The following HS6ST3 variants were observed in gnomAD, a reference collection of about 807,000 sequenced individuals.
The protein encoded by HS6ST3 is heparan-sulfate 6-O-sulfotransferase 3.
Under a neutral mutation model 36.7 loss-of-function variants are expected in HS6ST3, and 12 were observed. The ratio of observed to expected loss-of-function variants is 0.33; its 90% confidence interval spans 0.21 to 0.53. The LOEUF is 0.53. Among genes scored for constraint, HS6ST3 ranks in the 20% least tolerant of loss-of-function variants. HS6ST3 has a pLI of 0.95. For synonymous variants in HS6ST3, 240 were observed against 257.5 expected, an observed-to-expected ratio of 0.93 and a Z score of 0.65; for missense variants, 584 against 640.9, an observed-to-expected ratio of 0.91 and a Z score of 0.96.
intron 1 of HS6ST3, among the ~76,000 whole-genome samples, chr13:96,330,784 A>G (rs1247858789): frequency 6.6e-6 from 1 of 150,990 alleles, no homozygotes; most frequent in Non-Finnish European, 1.5e-5. Context: ...GTGTTTTCCA[A>G]CTTGGTTCCA....
intron 1 of HS6ST3, among the ~76,000 whole-genome samples, chr13:96,544,559 C>G (rs1860151345): frequency 6.6e-6 from 1 of 152,126 alleles, no homozygotes; most frequent in African/African-American, 2.4e-5. Context: ...GGGGCTTGAA[C>G]AGATCTGTAA....
chr13:96,640,386 G>T (rs2056566360), intron 1 of HS6ST3, among the ~76,000 whole-genome samples: 1 of 151,818 alleles, frequency 6.6e-6, no homozygotes, highest in Admixed American at 6.6e-5. Context: ...GTTTGCTCAT[G>T]TCTTTTGTCC....
At chr13:96,252,831 C>T (rs564405517) in intron 1 of HS6ST3, among the ~76,000 whole-genome samples, 1 of 152,062 alleles carries the variant, frequency 6.6e-6, no homozygotes, top group Non-Finnish European at 1.5e-5. Context: ...CCCCAACTCT[C>T]CCTTGCTCCT....
intron 1 of HS6ST3, among the ~76,000 whole-genome samples, chr13:96,150,864 CTATA>C (rs1470296384): frequency 6.6e-6 from 1 of 152,094 alleles, no homozygotes; most frequent in Non-Finnish European, 1.5e-5. Flanking sequence ...ATGTACTAAA[CTATA>C]TAACTGTATA....
At chr13:96,582,136 G>A (rs1397728125) in intron 1 of HS6ST3, among the ~76,000 whole-genome samples, 1 of 152,136 alleles carries the variant, frequency 6.6e-6, no homozygotes, top group Non-Finnish European at 1.5e-5. Context: ...TTTAAACATT[G>A]ACTCCTTTTT....
Position 96,833,943 on chromosome 13 carries a change from G to A in HS6ST3, c.*745G>A, listed in dbSNP as rs1878866182. 1 of 152,140 alleles carries A rather than the reference G, an allele frequency of 6.6e-6. No individual in the cohort carries two copies. The highest frequency in any genetic ancestry group is 1.9e-4 in the East Asian group (1 of 5,194). The allele number at this position is 152,140 out of a possible 1,614,324, so 9.4% of individuals were successfully genotyped here. On this transcript the variant is annotated 3_prime_UTR_variant, in exon 2 of 2. Coordinates refer to ENST00000376705, the MANE Select transcript of HS6ST3 (RefSeq NM_153456.4). ...AATGAACATTGGTAGGAGCATTTAA[G>A]AGAAAACTTGCTTATTTGCTAATGC...
intron 1 of HS6ST3, among the ~76,000 whole-genome samples, chr13:96,118,484 A>G (rs1028998727): frequency 1.3e-5 from 2 of 151,764 alleles, no homozygotes; most frequent in African/African-American, 2.4e-5. Context: ...TGGCAACCCT[A>G]GCAAACTGAT....
At chr13:96,215,276 A>G (rs1268432861) in intron 1 of HS6ST3, among the ~76,000 whole-genome samples, 1 of 152,282 alleles carries the variant, frequency 6.6e-6, no homozygotes, top group East Asian at 1.9e-4. Context: ...GTGCCTGTGT[A>G]TGGCTTTCTG....
intron 1 of HS6ST3, among the ~76,000 whole-genome samples, chr13:96,800,008 A>ATGTG (rs1284020332): frequency 7.8e-6 from 1 of 128,070 alleles, no homozygotes; most frequent in Non-Finnish European, 1.6e-5. Context: ...GTATATATAT[A>ATGTG]TATATGTATA....
intron 1 of HS6ST3, among the ~76,000 whole-genome samples, chr13:96,556,861 A>G (rs993808984): frequency 2.6e-5 from 4 of 152,208 alleles, no homozygotes; most frequent in South Asian, 2.1e-4. Flanking sequence ...GAAGTTTCCA[A>G]TGCTACAAGT....
intron 1 of HS6ST3, among the ~76,000 whole-genome samples, chr13:96,300,733 CTT>C (rs1360085515): frequency 1.3e-5 from 2 of 151,968 alleles, no homozygotes; most frequent in East Asian, 1.9e-4. Flanking sequence ...AAATATATAG[CTT>C]AATATGTTCA....
chr13:96,776,252 C>G (rs746919918), intron 1 of HS6ST3, among the ~76,000 whole-genome samples: 6 of 151,856 alleles, frequency 4.0e-5, no homozygotes, highest in Non-Finnish European at 7.4e-5. Context: ...GATCTAAAAT[C>G]AACACCCTAA....
intron 1 of HS6ST3, among the ~76,000 whole-genome samples, chr13:96,369,119 A>G (rs1399117579): frequency 6.6e-6 from 1 of 152,072 alleles, no homozygotes; most frequent in East Asian, 1.9e-4. Context: ...TTGCGTACCG[A>G]TAATCTTGAT....
intron 1 of HS6ST3, among the ~76,000 whole-genome samples, chr13:96,598,748 C>T (rs1023054148): frequency 9.9e-5 from 15 of 152,078 alleles, no homozygotes; most frequent in African/African-American, 3.6e-4. Context: ...CCTTGTCTTG[C>T]TCCAGTTCTT....
At chr13:96,774,094 G>A (rs546755029) in intron 1 of HS6ST3, among the ~76,000 whole-genome samples, 1 of 152,278 alleles carries the variant, frequency 6.6e-6, no homozygotes, top group Admixed American at 6.5e-5. Context: ...GGGCCTGACT[G>A]TTAGAAGGAA....
chr13:96,478,191 T>C (rs1440730621), intron 1 of HS6ST3, among the ~76,000 whole-genome samples: 3 of 152,184 alleles, frequency 2.0e-5, no homozygotes, highest in Non-Finnish European at 2.9e-5. Flanking sequence ...GATGGGAACA[T>C]TGGAAGACCT....
chr13:96,453,040 C>A (rs7329719), intron 1 of HS6ST3, among the ~76,000 whole-genome samples: 126,389 of 151,908 alleles, frequency 0.83, 53,711 homozygotes, highest in South Asian at 0.94. Flanking sequence ...GGAGGAGATG[C>A]GGAGTACCCT....
intron 1 of HS6ST3, among the ~76,000 whole-genome samples, chr13:96,390,306 T>C (rs752371498): frequency 1.3e-5 from 2 of 152,210 alleles, no homozygotes; most frequent in Non-Finnish European, 2.9e-5. Context: ...TGAATGTTTT[T>C]CTCCCCCCAC....
intron 1 of HS6ST3, among the ~76,000 whole-genome samples, chr13:96,239,450 T>A (rs2054550054): frequency 6.6e-6 from 1 of 152,188 alleles, no homozygotes; most frequent in Non-Finnish European, 1.5e-5. Context: ...AAAGATGCTA[T>A]CCATAAAAGC....
Sources: allele counts gnomAD v4.1 joint callset (sites outside exome capture counted in the v4.1 genomes callset), GRCh38; gene constraint gnomAD v4.1.1; transcripts MANE v1.5; gene names NCBI Gene and HGNC (gene_info 2026-07-23, HGNC 2026-07-21).